PCDH15: variants seen among roughly 807,000 people sequenced by gnomAD.
PCDH15 encodes protocadherin related 15.
A neutral mutation model predicts 178.5 loss-of-function variants in PCDH15; 129 were observed. That is an observed-to-expected ratio of 0.72 (90% CI 0.63 to 0.84). PCDH15 has a LOEUF of 0.84. Among genes scored for constraint, PCDH15 ranks in the 40% least tolerant of loss-of-function variants. PCDH15 has a pLI of 0.00. For missense variants in PCDH15, 2,230 were observed against 2,099.9 expected (o/e 1.06, Z -1.21); for synonymous variants, 800 against 732.0 (o/e 1.09, Z -1.50).
At chr10:55,434,990 T>C (rs187189479) in intron 2 of PCDH15, among the ~76,000 whole-genome samples, 2 of 152,202 alleles carry the variant, frequency 1.3e-5, no homozygotes, top group Admixed American at 6.5e-5. Flanking sequence ...TGAATAGTCA[T>C]GTACTTGAAG....
intron 1 of PCDH15, among the ~76,000 whole-genome samples, chr10:55,209,663 T>C (rs1022053995): frequency 6.6e-6 from 1 of 152,134 alleles, no homozygotes; most frequent in Non-Finnish European, 1.5e-5. Context: ...ATTCTATTCA[T>C]TGATATACAT....
intron 23 of PCDH15, among the ~76,000 whole-genome samples, chr10:53,954,763 G>T (rs1202336356): frequency 6.6e-6 from 1 of 152,110 alleles, no homozygotes; most frequent in Non-Finnish European, 1.5e-5. Flanking sequence ...AACCAGAAAT[G>T]TTAATCTGAG....
chr10:55,329,610 T>A (rs1227705668), intron 2 of PCDH15, among the ~76,000 whole-genome samples: 1 of 151,836 alleles, frequency 6.6e-6, no homozygotes, highest in Non-Finnish European at 1.5e-5. Flanking sequence ...TAAAATAGAC[T>A]CAGGTTAGCC....
intron 2 of PCDH15, among the ~76,000 whole-genome samples, chr10:54,981,446 C>G (rs1839229924): frequency 6.6e-6 from 1 of 151,968 alleles, no homozygotes; most frequent in Admixed American, 6.6e-5. Flanking sequence ...ATTTTTGTAT[C>G]CTGAAATCAA....
intron 2 of PCDH15, among the ~76,000 whole-genome samples, chr10:55,107,568 T>G (rs946687305): frequency 2.8e-5 from 4 of 143,552 alleles, no homozygotes; most frequent in African/African-American, 5.2e-5. Context: ...CTTGGCTCAC[T>G]GCAACCTCTG....
chr10:54,434,937 A>G (rs931667700), intron 3 of PCDH15, among the ~76,000 whole-genome samples: 3 of 152,226 alleles, frequency 2.0e-5, no homozygotes, highest in African/African-American at 7.2e-5. Context: ...TATTTTTAGT[A>G]GGACAAAACT....
At chr10:53,873,582 C>G (rs892098347) in intron 26 of PCDH15, among the ~76,000 whole-genome samples, 14 of 152,122 alleles carry the variant, frequency 9.2e-5, no homozygotes, top group Non-Finnish European at 1.5e-4. Context: ...CTACATTCCA[C>G]ATGTGAGACT....
intron 2 of PCDH15, among the ~76,000 whole-genome samples, chr10:55,609,025 C>T (rs1433040951): frequency 6.6e-6 from 1 of 151,540 alleles, no homozygotes; most frequent in African/African-American, 2.4e-5. Context: ...TACACACACA[C>T]ACACACACAC....
intron 3 of PCDH15, among the ~76,000 whole-genome samples, chr10:54,426,300 T>C (rs1185239571): frequency 6.6e-6 from 1 of 152,128 alleles, no homozygotes; most frequent in African/African-American, 2.4e-5. Flanking sequence ...ATGGACAGGG[T>C]TGGGGGGAAG....
intron 3 of PCDH15, among the ~76,000 whole-genome samples, chr10:54,461,338 T>A (rs1038621516): frequency 6.6e-6 from 1 of 152,110 alleles, no homozygotes; most frequent in African/African-American, 2.4e-5. Flanking sequence ...TCATGTACAT[T>A]TTCTTTACTT....
intron 25 of PCDH15, among the ~76,000 whole-genome samples, chr10:53,908,030 G>T (rs2082801497): frequency 6.6e-6 from 1 of 152,032 alleles, no homozygotes; most frequent in Admixed American, 6.6e-5. Context: ...GACTAATCTA[G>T]TGCCTACACT....
rs919850509 is a variant in PCDH15, at chr10:55,581,843, A to AT, written c.-156+45781dup. 8.6e-5 allele frequency among the ~76,000 whole-genome samples: 13 copies of AT among 151,184 alleles called. No homozygotes were observed. The South Asian group carries it at 1.3e-3, about 15-fold the overall frequency. ...ACACACACTGTTACACATGTGGGCA[A>AT]TTTTTTTTTGGAAGGAGGCATGGGG... On this transcript the variant is annotated intron_variant, in intron 2 of 5. Transcript: ENST00000613346.
At chr10:55,335,906 T>G (rs41514346) in intron 2 of PCDH15, among the ~76,000 whole-genome samples, 2,701 of 152,142 alleles carry the variant, frequency 0.018, 95 homozygotes, top group African/African-American at 0.062. Flanking sequence ...TTTAGACCCT[T>G]GCAAATTTTA....
At chr10:55,238,049 C>A (rs1375885187) in intron 1 of PCDH15, among the ~76,000 whole-genome samples, 1 of 151,498 alleles carries the variant, frequency 6.6e-6, no homozygotes, top group African/African-American at 2.4e-5. Flanking sequence ...AACTGATAAA[C>A]ACTTAAAAAT....
chr10:53,932,608 C>T (rs565441040), intron 25 of PCDH15, among the ~76,000 whole-genome samples: 7 of 152,254 alleles, frequency 4.6e-5, no homozygotes, highest in Non-Finnish European at 8.8e-5. Flanking sequence ...GAAGTGAATT[C>T]AAGTACAACT....
intron 8 of PCDH15, among the ~76,000 whole-genome samples, chr10:54,278,183 A>T (rs111939022): frequency 4.4e-4 from 67 of 151,640 alleles, no homozygotes; most frequent in African/African-American, 1.6e-3. Flanking sequence ...AGTCCCCACA[A>T]TAGGTCGATG....
At chr10:54,178,856 A>C (rs1428647181) in intron 13 of PCDH15, among the ~76,000 whole-genome samples, 3 of 152,138 alleles carry the variant, frequency 2.0e-5, no homozygotes, top group Non-Finnish European at 4.4e-5. Context: ...TGCAAATCAA[A>C]ACCACAATGA....
intron 2 of PCDH15, among the ~76,000 whole-genome samples, chr10:55,446,379 T>C (rs1839317465): frequency 1.3e-5 from 2 of 151,916 alleles, no homozygotes; most frequent in South Asian, 4.1e-4. Context: ...AAATAAGTTC[T>C]AAAAAGAAAA....
chr10:54,031,057 C>G (rs1026546796), intron 18 of PCDH15, among the ~76,000 whole-genome samples: 2 of 152,006 alleles, frequency 1.3e-5, no homozygotes, highest in Non-Finnish European at 2.9e-5. Flanking sequence ...TGGAGGTCAA[C>G]GTATCACCTA....
Sources: allele counts gnomAD v4.1 joint callset (sites outside exome capture counted in the v4.1 genomes callset), GRCh38; gene constraint gnomAD v4.1.1; transcripts MANE v1.5; gene names NCBI Gene and HGNC (gene_info 2026-07-23, HGNC 2026-07-21).